PPIL6: variants seen among roughly 807,000 people sequenced by gnomAD.
PPIL6 encodes the protein probable inactive peptidyl-prolyl cis-trans isomerase-like 6.
Under a neutral mutation model 36.8 loss-of-function variants are expected in PPIL6, and 39 were observed. The observed-to-expected ratio is 1.06, with a 90% CI of 0.82 to 1.38. The LOEUF (loss-of-function observed/expected upper bound fraction) is 1.38. PPIL6 is among the 40% of genes most tolerant of loss of function. PPIL6 has a pLI of 0.00. For synonymous variants in PPIL6, 123 were observed against 134.1 expected (o/e 0.92, Z 0.57); for missense variants, 368 against 379.1 (o/e 0.97, Z 0.24).
intron 6 of PPIL6, among the ~76,000 whole-genome samples, chr6:109,415,073 GAGA>G (rs1188990270): frequency 3.9e-5 from 6 of 152,210 alleles, no homozygotes; most frequent in Non-Finnish European, 5.9e-5. Context: ...GGAGGAGGAA[GAGA>G]AGGAGTTGGT....
chr6:109,434,548 C>T (rs1304517831), intron 2 of PPIL6, among the ~76,000 whole-genome samples: 1 of 152,122 alleles, frequency 6.6e-6, no homozygotes, highest in Non-Finnish European at 1.5e-5. Flanking sequence ...ACATGTGAGG[C>T]TTAACAAATG....
intron 7 of PPIL6, among the ~76,000 whole-genome samples, chr6:109,396,473 A>T (rs942189664): frequency 2.0e-5 from 3 of 152,162 alleles, no homozygotes; most frequent in Non-Finnish European, 4.4e-5. Context: ...TGCCCAGAAC[A>T]GATGACTTGT....
intron 6 of PPIL6, among the ~76,000 whole-genome samples, chr6:109,401,833 C>T (rs993994611): frequency 6.6e-6 from 1 of 151,498 alleles, no homozygotes; most frequent in African/African-American, 2.4e-5. Flanking sequence ...TGCCATTCTC[C>T]TGCCTCAGCC....
chr6:109,434,064 G>C (rs1300080827), intron 2 of PPIL6, among the ~76,000 whole-genome samples: 2 of 152,102 alleles, frequency 1.3e-5, no homozygotes, highest in East Asian at 1.9e-4. Context: ...TGTGGGTGGA[G>C]AGCATGACAC....
intron 6 of PPIL6, chr6:109,418,023 G>A (rs2115240761): frequency 6.6e-6 from 1 of 152,342 alleles, no homozygotes; most frequent in African/African-American, 2.4e-5. Context: ...GGTGACATTA[G>A]TTTTCCTAAA....
intron 3 of PPIL6, among the ~76,000 whole-genome samples, chr6:109,430,350 C>T (rs1258051716): frequency 6.6e-6 from 1 of 152,232 alleles, no homozygotes; most frequent in Non-Finnish European, 1.5e-5. Flanking sequence ...GGACCTCATG[C>T]TTCATGACTA....
intron 2 of PPIL6, among the ~76,000 whole-genome samples, chr6:109,435,152 T>G (rs898028880): frequency 6.6e-6 from 1 of 152,166 alleles, no homozygotes; most frequent in South Asian, 2.1e-4. Context: ...CCAGGCCACA[T>G]TAACCAGCTC....
At chr6:109,422,691 C>G (rs1169317346) in intron 5 of PPIL6, among the ~76,000 whole-genome samples, 2 of 152,144 alleles carry the variant, frequency 1.3e-5, no homozygotes, top group Admixed American at 1.3e-4. Flanking sequence ...AAAATGCACA[C>G]TTGATTAGAA....
chr6:109,441,159 A>T, upstream of PPIL6: 1 of 1,614,072 alleles, frequency 6.2e-7, no homozygotes, highest in South Asian at 1.1e-5. Flanking sequence ...CGGATCTTCA[A>T]CCTCAACTGC....
intron 6 of PPIL6, among the ~76,000 whole-genome samples, chr6:109,414,871 A>G (rs1367747895): frequency 6.6e-6 from 1 of 152,250 alleles, no homozygotes; most frequent in African/African-American, 2.4e-5. Context: ...TGCCTTATCA[A>G]TAACATAAAT....
intron 2 of PPIL6, 77 bp from the exon 3 acceptor site, chr6:109,431,422 T>A: frequency 9.3e-7 from 1 of 1,071,822 alleles, no homozygotes; most frequent in East Asian, 2.5e-5. Flanking sequence ...AAGCCAGAGC[T>A]TAGGATCAAC....
At position 109,400,042 on chromosome 6, in the gene PPIL6, C is replaced by T; in HGVS notation, c.817G>A (p.Ala273Thr). 6.2e-7 allele frequency: 1 copy of T among 1,610,402 alleles called. No homozygotes were observed. Among genetic ancestry groups the T allele is most frequent in the Non-Finnish European group, 8.5e-7 (1 of 1,177,642 alleles). ...GATCTACAATATACATACCCAAAAG[C>T]CACAAATTTTCTATCTAGATAAGGA... ...ATPYLDRKFVAFGQLIEGTEV... is the reference protein window; with the variant it reads ...ATPYLDRKFVTFGQLIEGTEV... The change falls in exon 7 of 8, where the codon GCT becomes ACT. Residue 273 changes from alanine to threonine, a missense_variant. Coordinates refer to ENST00000521072, the MANE Select transcript of PPIL6 (RefSeq NM_173672.5).
intron 1 of PPIL6, among the ~76,000 whole-genome samples, chr6:109,438,986 C>T (rs1774620141): frequency 6.6e-6 from 1 of 152,218 alleles, no homozygotes; most frequent in Non-Finnish European, 1.5e-5. Flanking sequence ...TACTGGAATA[C>T]TGTCATTCAT....
At chr6:109,430,996 C>T (rs1306920311) in intron 3 of PPIL6, among the ~76,000 whole-genome samples, 161 bp downstream of exon 3, 1 of 152,214 alleles carries the variant, frequency 6.6e-6, no homozygotes, top group African/African-American at 2.4e-5. Flanking sequence ...CTTTACATAC[C>T]ACCATATTAC....
chr6:109,407,029 C>A (rs1435517575), intron 6 of PPIL6, among the ~76,000 whole-genome samples: 2 of 152,122 alleles, frequency 1.3e-5, no homozygotes, highest in Non-Finnish European at 2.9e-5. Context: ...TGTAGATTTC[C>A]CCCGTGAGAT....
intron 2 of PPIL6, among the ~76,000 whole-genome samples, chr6:109,435,139 G>A (rs1277676890): frequency 6.6e-6 from 1 of 152,132 alleles, no homozygotes; most frequent in African/African-American, 2.4e-5. Flanking sequence ...AGGGCCAAGA[G>A]GGCCAGGCCA....
intron 6 of PPIL6, among the ~76,000 whole-genome samples, chr6:109,408,953 C>T (rs1301127081): frequency 1.3e-5 from 2 of 152,168 alleles, no homozygotes; most frequent in Admixed American, 1.3e-4. Context: ...CTGATGAATA[C>T]TGATGCAAAA....
At chr6:109,440,342 G>C (rs140277965) in intron 1 of PPIL6, 114 bp downstream of exon 1, 11 of 1,306,808 alleles carry the variant, frequency 8.4e-6, no homozygotes, top group Non-Finnish European at 1.1e-5. Context: ...CCCCTTCCTC[G>C]GCCGGTGGGG....
chr6:109,422,012 G>T (rs1195706772), intron 5 of PPIL6, among the ~76,000 whole-genome samples: 3 of 152,158 alleles, frequency 2.0e-5, no homozygotes, highest in Admixed American at 2.0e-4. Context: ...GAGCAGCTGG[G>T]ACTATAGGCG....
Sources: gnomAD v4.1 joint callset for allele counts (sites outside exome capture counted in the v4.1 genomes callset) on GRCh38, gnomAD v4.1.1 for gene constraint, MANE v1.5 for transcripts, NCBI Gene and HGNC (gene_info 2026-07-23, HGNC 2026-07-21) for gene names.